The following ADAMTSL1 variants were observed in gnomAD, a reference collection of about 807,000 sequenced individuals.
The protein encoded by ADAMTSL1 is ADAMTS-like protein 1.
A neutral mutation model predicts 201.8 loss-of-function variants in ADAMTSL1; 126 were observed. That is an observed-to-expected ratio of 0.62 (90% confidence interval 0.54 to 0.72). The LOEUF (loss-of-function observed/expected upper bound fraction) is 0.72. Ranked by LOEUF, ADAMTSL1 falls within the 30% of genes least tolerant of loss-of-function variation. ADAMTSL1 has a pLI of 0.00. For missense variants in ADAMTSL1, 2,679 were observed against 2,277.8 expected, an observed-to-expected ratio of 1.18 and a Z score of -3.59; for synonymous variants, 1,121 against 903.4, an observed-to-expected ratio of 1.24 and a Z score of -4.32.
chr9:18,027,221 G>T (rs561083013), intron 1 of ADAMTSL1, among the ~76,000 whole-genome samples: 65 of 151,396 alleles, frequency 4.3e-4, no homozygotes, highest in African/African-American at 1.6e-3. Context: ...ATTCAGTGCT[G>T]CTCTAGTTTT....
intron 2 of ADAMTSL1, among the ~76,000 whole-genome samples, chr9:18,509,882 G>T (rs954111011): frequency 6.6e-6 from 1 of 152,168 alleles, no homozygotes; most frequent in Non-Finnish European, 1.5e-5. Flanking sequence ...CATTTGTAAT[G>T]GGATAATGAA....
chr9:18,644,549 C>T (rs1028573616), intron 7 of ADAMTSL1, among the ~76,000 whole-genome samples: 1 of 151,698 alleles, frequency 6.6e-6, no homozygotes, highest in African/African-American at 2.4e-5. Context: ...ACCCCCACCC[C>T]ACAACAGTCC....
chr9:18,870,114 A>G (rs1827793864), intron 23 of ADAMTSL1, among the ~76,000 whole-genome samples: 1 of 152,096 alleles, frequency 6.6e-6, no homozygotes, highest in Non-Finnish European at 1.5e-5. Context: ...GATACATGCC[A>G]TCTGTTCATT....
In ADAMTSL1 at chr9:18,017,114, C is replaced by T. The variant is rs1820290587; in HGVS notation, c.87+110192C>T. On this transcript the variant is annotated intron_variant, in intron 1 of 29. Coordinates refer to the ADAMTSL1 transcript ENST00000680146. ...GATTCCAGATAGATCAGATTTTGCA[C>T]AAAAGATTAAACCTATTTTCCATCT... Among the ~76,000 whole-genome samples, 4 of 152,074 alleles carry T rather than the reference C, an allele frequency of 2.6e-5. No individual in the cohort carries two copies. The South Asian group carries it at 8.3e-4, about 32-fold the overall frequency.
chr9:18,886,848 G>A (rs528414677), intron 23 of ADAMTSL1, among the ~76,000 whole-genome samples: 42 of 152,274 alleles, frequency 2.8e-4, no homozygotes, highest in African/African-American at 8.2e-4. Context: ...TTTGTGTCTC[G>A]TATCTCATCA....
chr9:18,337,398 C>T (rs1178081513), intron 2 of ADAMTSL1, among the ~76,000 whole-genome samples: 1 of 152,134 alleles, frequency 6.6e-6, no homozygotes, highest in Non-Finnish European at 1.5e-5. Context: ...GGGGCTTTAC[C>T]TTGTGATGGT....
At chr9:18,035,511 G>C (rs1050460669) in intron 1 of ADAMTSL1, among the ~76,000 whole-genome samples, 1 of 152,158 alleles carries the variant, frequency 6.6e-6, no homozygotes, top group East Asian at 1.9e-4. Context: ...TTTCTCTTCA[G>C]ATACTTATAC....
intron 1 of ADAMTSL1, among the ~76,000 whole-genome samples, chr9:17,928,095 G>A (rs567589166): frequency 6.6e-6 from 1 of 151,576 alleles, no homozygotes; most frequent in East Asian, 1.9e-4. Context: ...CCTGGGCTCA[G>A]GTGATTCTCC....
intron 3 of ADAMTSL1, among the ~76,000 whole-genome samples, chr9:18,536,645 T>C (rs1470485085): frequency 6.6e-6 from 1 of 152,206 alleles, no homozygotes; most frequent in Non-Finnish European, 1.5e-5. Context: ...TTATCTAATC[T>C]TTCCCATTTT....
At chr9:18,389,900 C>T (rs1004255187) in intron 2 of ADAMTSL1, among the ~76,000 whole-genome samples, 1 of 151,950 alleles carries the variant, frequency 6.6e-6, no homozygotes, top group African/African-American at 2.4e-5. Context: ...CACAGAGAAG[C>T]ACAAATTGTC....
chr9:17,983,445 T>C (rs957431896), intron 1 of ADAMTSL1, among the ~76,000 whole-genome samples: 1 of 152,186 alleles, frequency 6.6e-6, no homozygotes, highest in Admixed American at 6.5e-5. Context: ...ATTGGGTATG[T>C]CTTTTAACCT....
chr9:18,136,154 T>A lies in ADAMTSL1; in HGVS notation c.88-27708T>A, dbSNP rs542479934. On this transcript the variant is annotated intron_variant, in intron 1 of 29. Coordinates refer to the ADAMTSL1 transcript ENST00000680146. ...GGCTCCGTAAGTGAAGTAAGTTGCA[T>A]AGTGGTTCCCAAACCTGGCTGCACA... Among the ~76,000 whole-genome samples the A allele has an allele frequency of 3.9e-5, 6 of 152,310 alleles. No homozygotes were observed. In the South Asian group the frequency reaches 1.2e-3, roughly 32 times the overall value.
At chr9:18,355,298 TA>T (rs1267779350) in intron 2 of ADAMTSL1, among the ~76,000 whole-genome samples, 2 of 152,162 alleles carry the variant, frequency 1.3e-5, no homozygotes, top group African/African-American at 4.8e-5. Flanking sequence ...AGCTGTAATA[TA>T]AAGTATATAT....
intron 2 of ADAMTSL1, among the ~76,000 whole-genome samples, chr9:18,452,862 A>T (rs1820462816): frequency 6.6e-6 from 1 of 152,254 alleles, no homozygotes; most frequent in African/African-American, 2.4e-5. Context: ...GTCCACCAGC[A>T]GCTCACGTAG....
At chr9:18,075,742 C>T (rs562640126) in intron 1 of ADAMTSL1, among the ~76,000 whole-genome samples, 1 of 152,286 alleles carries the variant, frequency 6.6e-6, no homozygotes, top group Non-Finnish European at 1.5e-5. Flanking sequence ...TGTGTAACCC[C>T]AGAAGGAGGC....
At chr9:18,657,937 A>G (rs1047380922) in intron 8 of ADAMTSL1, among the ~76,000 whole-genome samples, 187 bp downstream of exon 8, 4 of 147,772 alleles carry the variant, frequency 2.7e-5, no homozygotes, top group African/African-American at 1.0e-4. Flanking sequence ...TGCCAAAGAC[A>G]TTTTCTGTCT....
At chr9:18,584,264 C>G (rs781140863) in intron 4 of ADAMTSL1, among the ~76,000 whole-genome samples, 1 of 151,896 alleles carries the variant, frequency 6.6e-6, no homozygotes, top group African/African-American at 2.4e-5. Context: ...ATGAGTCTCA[C>G]GATATCTGAT....
intron 2 of ADAMTSL1, among the ~76,000 whole-genome samples, chr9:18,436,863 T>TG (rs1335725932): frequency 6.6e-6 from 1 of 152,164 alleles, no homozygotes; most frequent in Non-Finnish European, 1.5e-5. Context: ...AAATGTTTGT[T>TG]GCAGAGTGCC....
At chr9:18,231,728 C>T (rs901109658) in intron 2 of ADAMTSL1, among the ~76,000 whole-genome samples, 4 of 152,186 alleles carry the variant, frequency 2.6e-5, no homozygotes, top group Admixed American at 6.5e-5. Flanking sequence ...CTCCAACTTA[C>T]GTGAGATAAA....
Sources: allele counts gnomAD v4.1 joint callset (sites outside exome capture counted in the v4.1 genomes callset), GRCh38; gene constraint gnomAD v4.1.1; transcripts MANE v1.5; gene names NCBI Gene and HGNC (gene_info 2026-07-23, HGNC 2026-07-21).